The following GRID2 variants were observed in gnomAD, a reference collection of about 807,000 sequenced individuals.
GRID2 encodes glutamate ionotropic receptor delta type subunit 2.
In GRID2, 33 loss-of-function variants were observed where a neutral mutation model predicts 114.8. That is an observed-to-expected ratio of 0.29 (90% confidence interval 0.22 to 0.38). The LOEUF (loss-of-function observed/expected upper bound fraction) is 0.38. Ranked by LOEUF, GRID2 falls within the 10% of genes least tolerant of loss-of-function variation. GRID2 has a pLI of 1.00. For synonymous variants in GRID2, 505 were observed against 449.9 expected (o/e 1.12, Z -1.55); for missense variants, 1,184 against 1,257.7 (o/e 0.94, Z 0.89).
chr4:93,015,548 G>A (rs1560797191), intron 2 of GRID2, among the ~76,000 whole-genome samples: 1 of 152,118 alleles, frequency 6.6e-6, no homozygotes, highest in African/African-American at 2.4e-5. Flanking sequence ...GCTTAGATAA[G>A]TGCTCAACAC....
rs1186186743 is a variant in GRID2, at chr4:93,608,868, A to G, written c.2194-17401A>G. 1.5e-5 allele frequency among the ~76,000 whole-genome samples: 2 copies of G among 132,660 alleles called. 1 individual carries two copies. Among genetic ancestry groups the G allele is most frequent in the African/African-American group, 5.7e-5 (2 of 35,178 alleles). The allele number at this position is 132,660 out of a possible 152,430, so 87.0% of individuals were successfully genotyped here. A position where few individuals can be genotyped will look rare whatever the true frequency, so the allele number is the denominator to read the frequency against. ...GGTCAAATGGTATTTCTAGTTCTAGATCCCTGAGGAATCGCCACACTGACT... is the reference window on the plus strand; with the variant it reads ...GGTCAAATGGTATTTCTAGTTCTAGGTCCCTGAGGAATCGCCACACTGACT... On this transcript the variant is annotated intron_variant, in intron 13 of 15. Transcript: ENST00000282020.
chr4:93,806,763 T>C (rs1471996037), exon 2 of GRID2: 2 of 152,236 alleles, frequency 1.3e-5, no homozygotes, highest in African/African-American at 2.4e-5. Context: ...AAGGAATGCT[T>C]GGCCATTAAG....
chr4:93,236,030 A>G (rs1225957221), intron 7 of GRID2, among the ~76,000 whole-genome samples: 1 of 152,116 alleles, frequency 6.6e-6, no homozygotes, highest in African/African-American at 2.4e-5. Flanking sequence ...GAAGATATTA[A>G]TCAGGTAGAT....
At chr4:92,307,884 T>A (rs1440510582) in intron 1 of GRID2, among the ~76,000 whole-genome samples, 1 of 152,208 alleles carries the variant, frequency 6.6e-6, no homozygotes, top group African/African-American at 2.4e-5. Flanking sequence ...GAATTATGCT[T>A]CTACTTTGAG....
chr4:93,081,975 TTA>T (rs1453091903), intron 2 of GRID2, among the ~76,000 whole-genome samples: 1 of 152,214 alleles, frequency 6.6e-6, no homozygotes, highest in Non-Finnish European at 1.5e-5. Flanking sequence ...TAGCCTATTT[TTA>T]TACTAACCTT....
chr4:92,747,381 C>A lies in GRID2; in HGVS notation c.244+157095C>A, dbSNP rs193000072. On this transcript the variant is annotated intron_variant, in intron 2 of 15. Coordinates refer to ENST00000282020, the MANE Select transcript of GRID2 (RefSeq NM_001510.4). The stretch of plus-strand genomic sequence containing the variant: ...TTGAATATACTAGAAAAAATAAATT[C>A]CCCTAAAAGCTAAAAGCTTAAGGCA... Among the ~76,000 whole-genome samples the A allele has an allele frequency of 7.5e-3, 1,135 of 151,890 alleles. 11 individuals carry two copies. The highest frequency in any genetic ancestry group is 0.013 in the Non-Finnish European group (852 of 67,894).
rs1763508575 is a variant in GRID2 at position 93,377,828 on chromosome 4, A to T, written c.1246-17779A>T. Among the ~76,000 whole-genome samples the T allele has an allele frequency of 2.0e-5, 3 of 152,110 alleles. No individual in the cohort carries two copies. In the South Asian group the frequency reaches 6.2e-4, roughly 32 times the overall value. On this transcript the variant is annotated intron_variant, in intron 8 of 15. Coordinates refer to ENST00000282020, the MANE Select transcript of GRID2 (RefSeq NM_001510.4). ...CAGTTTTTACTTTACTTGCTACAGT[A>T]ACCTGGCATTTTAAAAAGCATTCTG... is the stretch of plus-strand genomic sequence containing the variant.
At chr4:92,399,871 C>G (rs1019393546) in intron 1 of GRID2, among the ~76,000 whole-genome samples, 9 of 151,992 alleles carry the variant, frequency 5.9e-5, no homozygotes, top group African/African-American at 2.2e-4. Context: ...GATGTAGTTA[C>G]TTTACGTATT....
At chr4:93,353,537 G>T (rs1253401643) in intron 8 of GRID2, among the ~76,000 whole-genome samples, 3 of 151,870 alleles carry the variant, frequency 2.0e-5, no homozygotes, top group Non-Finnish European at 1.5e-5. Flanking sequence ...AGAAGAAAAT[G>T]GGCATCCAAA....
At chr4:93,509,053 C>A (rs185058648) in intron 12 of GRID2, among the ~76,000 whole-genome samples, 3 of 152,250 alleles carry the variant, frequency 2.0e-5, no homozygotes, top group Non-Finnish European at 4.4e-5. Context: ...TTTGAAGGAA[C>A]TTGAAGGCTA....
At chr4:92,587,229 T>C (rs894486184) in intron 1 of GRID2, among the ~76,000 whole-genome samples, 1 of 151,850 alleles carries the variant, frequency 6.6e-6, no homozygotes, top group African/African-American at 2.4e-5. Context: ...AAAATCATGC[T>C]AATAAAAATA....
chr4:92,432,884 TC>T lies in GRID2; in HGVS notation c.88+128145del, dbSNP rs572116066. Reference sequence around the variant, plus strand: ...CCTGAAGCCAGCAGGGTACTAGGTCTCCCCCAAGGCCTGCAATGAGTATTGC... The same window carrying T: ...CCTGAAGCCAGCAGGGTACTAGGTCTCCCCAAGGCCTGCAATGAGTATTGC... On this transcript the variant is annotated intron_variant, in intron 1 of 15. Coordinates refer to ENST00000282020, the MANE Select transcript of GRID2 (RefSeq NM_001510.4). Among the ~76,000 whole-genome samples the T allele has an allele frequency of 3.2e-3, 485 of 152,262 alleles. 4 individuals carry two copies. The highest frequency in any genetic ancestry group is 0.011 in the African/African-American group (448 of 41,564).
chr4:92,694,009 T>G (rs1194627113), intron 2 of GRID2, among the ~76,000 whole-genome samples: 1 of 152,174 alleles, frequency 6.6e-6, no homozygotes, highest in Non-Finnish European at 1.5e-5. Context: ...TGGACTATCC[T>G]TTTGACAGAT....
intron 4 of GRID2, among the ~76,000 whole-genome samples, chr4:93,204,518 G>A (rs1579283173): frequency 1.3e-5 from 2 of 152,254 alleles, no homozygotes; most frequent in East Asian, 1.9e-4. Flanking sequence ...ACCAGAAGGA[G>A]AGACTATCTC....
At chr4:92,874,253 A>C (rs1308768413) in intron 2 of GRID2, among the ~76,000 whole-genome samples, 1 of 152,160 alleles carries the variant, frequency 6.6e-6, no homozygotes, top group Non-Finnish European at 1.5e-5. Context: ...CTGTAACTTC[A>C]AATGTTGTAG....
chr4:93,436,892 G>A (rs1424158694), intron 10 of GRID2, among the ~76,000 whole-genome samples: 2 of 152,076 alleles, frequency 1.3e-5, no homozygotes, highest in Non-Finnish European at 2.9e-5. Flanking sequence ...TTGCAATGGA[G>A]AAGGGCAGTT....
intron 2 of GRID2, among the ~76,000 whole-genome samples, chr4:92,612,450 A>G (rs1460564981): frequency 6.6e-6 from 1 of 151,456 alleles, no homozygotes; most frequent in Admixed American, 6.6e-5. Context: ...TTGTTTTCAT[A>G]TAAATATTGG....
At chr4:93,711,406 C>T (rs1441407288) in intron 14 of GRID2, among the ~76,000 whole-genome samples, 1 of 151,932 alleles carries the variant, frequency 6.6e-6, no homozygotes, top group African/African-American at 2.4e-5. Flanking sequence ...CTTCAAGACT[C>T]CGTTTATGCT....
At chr4:92,318,748 AC>A (rs1726146073) in intron 1 of GRID2, among the ~76,000 whole-genome samples, 3 of 152,054 alleles carry the variant, frequency 2.0e-5, no homozygotes, top group Admixed American at 2.0e-4. Context: ...TGCTGGGATT[AC>A]AAGCGTGAGC....
Sources: allele counts gnomAD v4.1 joint callset (sites outside exome capture counted in the v4.1 genomes callset), GRCh38; gene constraint gnomAD v4.1.1; transcripts MANE v1.5; gene names NCBI Gene and HGNC (gene_info 2026-07-23, HGNC 2026-07-21).